RTN1: variants seen among roughly 807,000 people sequenced by gnomAD.
RTN1 encodes reticulon 1.
In RTN1, 25 loss-of-function variants were observed where a neutral mutation model predicts 65.5. That is an observed-to-expected ratio of 0.38 (90% confidence interval 0.28 to 0.53). The LOEUF (loss-of-function observed/expected upper bound fraction) is 0.53, where lower values mean the gene tolerates loss of function less well. RTN1 is among the 20% of genes least tolerant of loss of function. The probability of loss-of-function intolerance (pLI) is 0.79; values close to 1 mark genes in which losing one functional copy is unlikely to be tolerated. For synonymous variants in RTN1, 471 were observed against 447.6 expected (o/e 1.05, Z -0.66); for missense variants, 983 against 1,025.4 (o/e 0.96, Z 0.57).
At chr14:59,608,411 C>T (rs1482780162) in intron 3 of RTN1, among the ~76,000 whole-genome samples, 1 of 152,164 alleles carries the variant, frequency 6.6e-6, no homozygotes, top group African/African-American at 2.4e-5. Flanking sequence ...CAGAAGTGAT[C>T]AGGTTGAAGA....
At chr14:59,614,672 T>C (rs547740104) in intron 3 of RTN1, among the ~76,000 whole-genome samples, 1 of 152,310 alleles carries the variant, frequency 6.6e-6, no homozygotes, top group African/African-American at 2.4e-5. Flanking sequence ...CTTTTGAAAA[T>C]TGTTCGATTT....
intron 8 of RTN1, among the ~76,000 whole-genome samples, chr14:59,598,485 G>T (rs1182174158): frequency 6.6e-6 from 1 of 152,134 alleles, no homozygotes; most frequent in Non-Finnish European, 1.5e-5. Flanking sequence ...AGTTGAAGAG[G>T]TCTGGGCTGG....
chr14:59,674,608 G>A (rs932694425), intron 3 of RTN1, among the ~76,000 whole-genome samples: 1 of 152,110 alleles, frequency 6.6e-6, no homozygotes, highest in Non-Finnish European at 1.5e-5. Context: ...TTTAACAAAC[G>A]GCATTCAAAG....
intron 1 of RTN1, among the ~76,000 whole-genome samples, chr14:59,752,881 T>C (rs1443913070): frequency 1.3e-5 from 2 of 152,188 alleles, no homozygotes; most frequent in African/African-American, 4.8e-5. Flanking sequence ...TATCCAACAA[T>C]GAAATACAGC....
At chr14:59,801,395 A>G (rs925993838) in intron 1 of RTN1, among the ~76,000 whole-genome samples, 3 of 152,230 alleles carry the variant, frequency 2.0e-5, no homozygotes, top group Admixed American at 1.3e-4. Context: ...GATAAGAACT[A>G]TAACAGCCTT....
At chr14:59,600,719 C>G (rs1032089894) in intron 8 of RTN1, among the ~76,000 whole-genome samples, 7 of 152,154 alleles carry the variant, frequency 4.6e-5, no homozygotes, top group African/African-American at 1.7e-4. Flanking sequence ...TCTTTTTGTC[C>G]TAGCTACCAG....
chr14:59,607,456 G>A lies in RTN1; in HGVS notation c.1802C>T (p.Thr601Met). The change falls in exon 4 of 9, where the codon ACG (threonine) becomes ATG (methionine). Residue 601 changes from threonine to methionine, a missense_variant. By Grantham distance (81) the Thr-to-Met change is moderately conservative. Around this residue, in one of 2 missense-constraint regions of RTN1, gnomAD observed 165 missense variants for 223.6 expected, o/e 0.74. Transcript: ENST00000267484. ...CAGGAAACTCCCAAACACGATGCCC[G>A]TCTGCTTGATGTCCCGCCAATACAA... ...DLLYWRDIKQ[T>M]GIVFGSFLLL... The A allele has an allele frequency of 2.5e-6, 4 of 1,607,496 alleles. No individual in the cohort carries two copies. Among genetic ancestry groups the A allele is most frequent in the East Asian group, 2.2e-5 (1 of 44,488 alleles).
In RTN1 at chr14:59,870,744, G is replaced by A. The variant is rs118177751; in HGVS notation, c.-114C>T. ...GGACTCGGCGCTCAGGGAAGCTGCGGTGTCTCAGCGTCGCCGCCGCCTCTG... is the reference window on the plus strand; with the variant it reads ...GGACTCGGCGCTCAGGGAAGCTGCGATGTCTCAGCGTCGCCGCCGCCTCTG... On this transcript the variant is annotated 5_prime_UTR_variant, in exon 1 of 9. Transcript: ENST00000267484. This position sits in a 1 kb window ranked among gnomAD's most constrained non-coding sequence, Gnocchi z 5.1. 8.7e-3 allele frequency: 10,150 copies of A among 1,165,348 alleles called. 68 individuals carry two copies. Among genetic ancestry groups the A allele is most frequent in the East Asian group, 0.03 (890 of 29,394 alleles). The allele number at this position is 1,165,348 out of a possible 1,614,324, so 72.2% of individuals were successfully genotyped here.
Position 59,726,920 on chromosome 14 carries a change from T to C in RTN1, c.1764A>G (p.Lys588=), listed in dbSNP as rs778536898. Residue 588 remains lysine, a splice_region_variant and synonymous_variant, in exon 3 of 9, where the codon AAA becomes AAG. Coordinates refer to ENST00000267484, the MANE Select transcript of RTN1 (RefSeq NM_021136.3). Reference sequence around the variant, plus strand: ...GCATCCCTGCTTGGGATCCTTTACCTTTTTGCTTATTGAGAAACAGCAGTG... The same window carrying C: ...GCATCCCTGCTTGGGATCCTTTACCCTTTTGCTTATTGAGAAACAGCAGTG... The part of the protein sequence containing the change: ...PPPLLFLNKQ[K]AIDLLYWRDI... 1 of 1,610,766 alleles carries C rather than the reference T, an allele frequency of 6.2e-7. No homozygotes were observed. The highest frequency in any genetic ancestry group is 1.1e-5 in the South Asian group (1 of 90,464).
Position 59,746,566 on chromosome 14 carries a change from G to A in RTN1, c.242-85C>T, listed in dbSNP as rs1237067522. The A allele has an allele frequency of 4.3e-6, 5 of 1,172,224 alleles. No individual in the cohort carries two copies. In the African/African-American group the frequency reaches 7.7e-5, roughly 18 times the overall value. The allele number at this position is 1,172,224 out of a possible 1,614,324, so 72.6% of individuals were successfully genotyped here. A position where few individuals can be genotyped will look rare whatever the true frequency, so the allele number is the denominator to read the frequency against. On this transcript the variant is annotated intron_variant, in intron 1 of 8. Transcript: ENST00000267484. ...TCTAACCCACCACCCACCCCTGCCT[G>A]GTGAAGACATGACATCCTTTCTCCT...
rs779678293 is a variant in RTN1 at position 59,726,928 on chromosome 14, T to C, written c.1756A>G (p.Lys586Glu). 2 of 1,611,694 alleles carry C rather than the reference T, an allele frequency of 1.2e-6. No homozygotes were observed. The highest frequency in any genetic ancestry group is 1.3e-5 in the African/African-American group (1 of 74,876). Residue 586 changes from lysine to glutamate, a missense_variant, in exon 3 of 9, where the codon AAG becomes GAG. Transcript: ENST00000267484. ...GCTTGGGATCCTTTACCTTTTTGCT[T>C]ATTGAGAAACAGCAGTGGGGGCGGG... The part of the protein sequence containing the change: ...GAPPPLLFLN[K>E]QKAIDLLYWR...
chr14:59,690,115 G>A (rs747813381), intron 3 of RTN1, among the ~76,000 whole-genome samples: 19 of 151,870 alleles, frequency 1.3e-4, no homozygotes, highest in Non-Finnish European at 2.1e-4. Flanking sequence ...ACCACACACA[G>A]CCTTAACCTA....
At chr14:59,793,842 C>T (rs1349529998) in intron 1 of RTN1, among the ~76,000 whole-genome samples, 1 of 152,090 alleles carries the variant, frequency 6.6e-6, no homozygotes, top group Non-Finnish European at 1.5e-5. Flanking sequence ...AAATTCTGAC[C>T]CCAACTTTCA....
At position 59,749,120 on chromosome 14, in the gene RTN1, A is replaced by C. The variant is rs1474760967; in HGVS notation, c.242-2639T>G. ...TATATATCTATATATATATATATATATATAGATATATCTATATCTATCTAT... is the reference window on the plus strand; with the variant it reads ...TATATATCTATATATATATATATATCTATAGATATATCTATATCTATCTAT... On this transcript the variant is annotated intron_variant, in intron 1 of 8. Transcript: ENST00000267484. 8.3e-4 allele frequency among the ~76,000 whole-genome samples: 40 copies of C among 48,204 alleles called. 2 individuals are homozygous for C. The highest frequency in any genetic ancestry group is 6.5e-3 in the East Asian group (12 of 1,852). 31.6% of individuals were successfully genotyped at this position (48,204 alleles called of 152,430 possible).
At chr14:59,657,191 C>T (rs991603441) in intron 3 of RTN1, among the ~76,000 whole-genome samples, 21 of 152,072 alleles carry the variant, frequency 1.4e-4, no homozygotes, top group African/African-American at 5.1e-4. Context: ...GGTGAATCAC[C>T]TGAGGTCAGG....
chr14:59,669,751 A>C (rs1035382636), intron 3 of RTN1, among the ~76,000 whole-genome samples: 2 of 152,076 alleles, frequency 1.3e-5, no homozygotes, highest in African/African-American at 4.8e-5. Flanking sequence ...CTTGCTCTAA[A>C]GTTCTTATTA....
At chr14:59,779,353 C>A (rs1248886723) in intron 1 of RTN1, among the ~76,000 whole-genome samples, 1 of 151,842 alleles carries the variant, frequency 6.6e-6, no homozygotes, top group African/African-American at 2.4e-5. Context: ...TATTTAAGAT[C>A]CCTTAAACTG....
chr14:59,760,986 T>G (rs1885736870), intron 1 of RTN1, among the ~76,000 whole-genome samples: 1 of 152,158 alleles, frequency 6.6e-6, no homozygotes, highest in Non-Finnish European at 1.5e-5. Context: ...TAGTTCTGAG[T>G]CCCTTGACTT....
At chr14:59,713,002 GCAA>G (rs1412651315) in intron 3 of RTN1, among the ~76,000 whole-genome samples, 4 of 151,574 alleles carry the variant, frequency 2.6e-5, no homozygotes, top group Non-Finnish European at 5.9e-5. Flanking sequence ...TATTTAAATA[GCAA>G]CAACATTAGA....
Sources: allele counts gnomAD v4.1 joint callset (sites outside exome capture counted in the v4.1 genomes callset), GRCh38; gene constraint gnomAD v4.1.1; regional missense constraint gnomAD v4.1.1; non-coding constraint Gnocchi (gnomAD v3.1); transcripts MANE v1.5; gene names NCBI Gene and HGNC (gene_info 2026-07-23, HGNC 2026-07-21).